The following SLC44A4 variants were observed in gnomAD, a reference collection of about 807,000 sequenced individuals.
SLC44A4 encodes the protein choline transporter-like protein 4.
In SLC44A4, 74 loss-of-function variants were observed where a neutral mutation model predicts 97.0. That is an observed-to-expected ratio of 0.76 (90% CI 0.63 to 0.93). The LOEUF (loss-of-function observed/expected upper bound fraction) is 0.93, where lower values mean the gene tolerates loss of function less well. SLC44A4 is among the 40% of genes least tolerant of loss of function. The pLI is 0.00. For missense variants in SLC44A4, 799 were observed against 902.9 expected, an observed-to-expected ratio of 0.88 and a Z score of 1.48; for synonymous variants, 325 against 363.8, an observed-to-expected ratio of 0.89 and a Z score of 1.21.
chr6:31,876,808 G>A lies in SLC44A4; in HGVS notation c.89+226C>T, dbSNP rs889665613. Among the ~76,000 whole-genome samples the A allele has an allele frequency of 3.3e-5, 5 of 151,988 alleles. No homozygotes were observed. Among genetic ancestry groups the A allele is most frequent in the African/African-American group, 1.2e-4 (5 of 41,312 alleles). On this transcript the variant is annotated intron_variant, in intron 2 of 20. Transcript: ENST00000229729. This position sits in a 1 kb window ranked among gnomAD's most constrained non-coding sequence, Gnocchi z 4.8. ...CTCAGCTGGGTGAGTTCTCTCGCTT[G>A]TGAAGCCGGCACTTAAGTCAAGAAA...
At position 31,874,774 on chromosome 6, in the gene SLC44A4, C is replaced by T. The variant is rs773627655; in HGVS notation, c.415G>A (p.Val139Ile). 1.2e-6 allele frequency: 2 copies of T among 1,614,050 alleles called. No homozygotes were observed. Among genetic ancestry groups the T allele is most frequent in the South Asian group, 1.1e-5 (1 of 91,076 alleles). Residue 139 changes from valine to isoleucine, a missense_variant, in exon 6 of 21, where the codon GTC becomes ATC. Transcript: ENST00000229729. The surrounding 1 kb of genome is among the most constrained non-coding windows in gnomAD (Gnocchi z 4.8). ...AAGTTCCTGTTTTTTGTATAGAAGA[C>T]TTCCCCAACAGTCTGTGAGAACTCG... Reference protein sequence around the residue: ...KNEFSQTVGEVFYTKNRNFCL... With the variant: ...KNEFSQTVGEIFYTKNRNFCL...
rs762227141 is a variant in SLC44A4 at position 31,865,836 on chromosome 6, C to T, written c.1487+37G>A. 5 of 1,613,770 alleles carry T rather than the reference C, an allele frequency of 3.1e-6. No individual in the cohort carries two copies. The highest frequency in any genetic ancestry group is 2.7e-5 in the African/African-American group (2 of 74,932). ...ACAGCTCCAGGACCCCTGGGGCCCC[C>T]GTGCCTACAATGACCAGGCCCCTGC... On this transcript the variant is annotated intron_variant, in intron 14 of 20. Transcript: ENST00000229729. The surrounding 1 kb of genome is among the most constrained non-coding windows in gnomAD (Gnocchi z 5.2).
chr6:31,863,823 G>C (rs1233870524), intron 20 of SLC44A4, 75 bp from the exon 21 acceptor site: 51 of 1,588,652 alleles, frequency 3.2e-5, no homozygotes, highest in South Asian at 1.1e-5. Context: ...AGCTGCCTGC[G>C]GGATTTGGAA....
At chr6:31,870,248 G>A (rs1302517285) in intron 11 of SLC44A4, among the ~76,000 whole-genome samples, 2 of 152,116 alleles carry the variant, frequency 1.3e-5, no homozygotes, top group Non-Finnish European at 2.9e-5. Flanking sequence ...ACCCCCAAGC[G>A]TGATCCCTTG....
At chr6:31,875,135 G>T in intron 4 of SLC44A4, 107 bp from the exon 5 acceptor site, 1 of 832,778 alleles carries the variant, frequency 1.2e-6, no homozygotes, top group Non-Finnish European at 1.9e-6. Flanking sequence ...AGCCCAGCGT[G>T]GCCCATACCA....
At position 31,865,128 on chromosome 6, in the gene SLC44A4, T is replaced by C. The variant is rs183577829; in HGVS notation, c.1761-48A>G. On this transcript the variant is annotated intron_variant, in intron 17 of 20. Coordinates refer to ENST00000229729, the MANE Select transcript of SLC44A4 (RefSeq NM_025257.3). The surrounding 1 kb of genome is among the most constrained non-coding windows in gnomAD (Gnocchi z 5.2). ...TTGAGGGTGAGAGGCCTGGCAATGC[T>C]GAGAGTGAAATTGGCTTCGTAATTT... 2.5e-3 allele frequency: 4,006 copies of C among 1,603,372 alleles called. 13 individuals are homozygous for C. The highest frequency in any genetic ancestry group is 2.8e-3 in the Non-Finnish European group (3,255 of 1,170,998).
chr6:31,870,588 C>T lies in SLC44A4; in HGVS notation c.1037+15G>A. ...GCTGTCCTCAACCCCATCTCCCTCCCAGGCAGGCCCTAACTTGCTGGCCTC... is the reference window on the plus strand; with the variant it reads ...GCTGTCCTCAACCCCATCTCCCTCCTAGGCAGGCCCTAACTTGCTGGCCTC... On this transcript the variant is annotated intron_variant, in intron 11 of 20. Coordinates refer to ENST00000229729, the MANE Select transcript of SLC44A4 (RefSeq NM_025257.3). The T allele has an allele frequency of 1.3e-6, 2 of 1,577,272 alleles. No individual in the cohort carries two copies. Among genetic ancestry groups the T allele is most frequent in the Non-Finnish European group, 1.7e-6 (2 of 1,162,042 alleles).
rs200696392 is a variant in SLC44A4 at position 31,863,990 on chromosome 6, AAT to A, written c.2012-244_2012-243del. ...CTTAGGAGGAGACTGGCAAACCCTG[AAT>A]GGATGCATGCTGTAGAGTAAGAAAA... is the stretch of plus-strand genomic sequence containing the variant. On this transcript the variant is annotated intron_variant, in intron 20 of 20. Coordinates refer to ENST00000229729, the MANE Select transcript of SLC44A4 (RefSeq NM_025257.3). Among the ~76,000 whole-genome samples the A allele has an allele frequency of 8.6e-3, 1,308 of 152,164 alleles. 8 individuals are homozygous for A. Among genetic ancestry groups the A allele is most frequent in the Middle Eastern group, 0.075 (22 of 292 alleles).
Position 31,865,780 on chromosome 6 carries a change from G to T in SLC44A4, c.1492C>A (p.His498Asn). ...GCTCCAAATGCCAATGACCCAGTGT[G>T]GTAACTGCAGAGGGTGTTATGCAGT... ...ISAFIRTLRY[H>N]TGSLAFGALI... The change falls in exon 15 of 21, where the codon CAC becomes AAC. Residue 498 changes from histidine (H) to asparagine (N), a missense_variant. Coordinates refer to ENST00000229729, the MANE Select transcript of SLC44A4 (RefSeq NM_025257.3). This position sits in a 1 kb window ranked among gnomAD's most constrained non-coding sequence, Gnocchi z 5.2. 1.2e-6 allele frequency: 2 copies of T among 1,613,848 alleles called. No homozygotes were observed. Among genetic ancestry groups the T allele is most frequent in the Non-Finnish European group, 1.7e-6 (2 of 1,179,940 alleles).
In SLC44A4 at chr6:31,865,385, C is replaced by T. The variant is rs373514417; in HGVS notation, c.1690G>A (p.Ala564Thr). The T allele has an allele frequency of 2.5e-5, 41 of 1,613,890 alleles. No individual in the cohort carries two copies. The African/African-American group carries it at 4.0e-4, about 16-fold the overall frequency. Reference protein sequence around the residue: ...FLNRNAYIMIAIYGKNFCVSA... With the variant: ...FLNRNAYIMITIYGKNFCVSA... ...ACACAGAAATTCTTCCCGTAGATGGCGATCTGAGGGAGGTGGAAAGGTCAG... is the reference window on the plus strand; with the variant it reads ...ACACAGAAATTCTTCCCGTAGATGGTGATCTGAGGGAGGTGGAAAGGTCAG... The change falls in exon 17 of 21, where the codon GCC becomes ACC. Residue 564 changes from alanine (A) to threonine (T), a missense_variant. By Grantham distance (58) the Ala-to-Thr change is moderately conservative (BLOSUM62 0). Transcript: ENST00000229729. This position sits in a 1 kb window ranked among gnomAD's most constrained non-coding sequence, Gnocchi z 5.2.
intron 11 of SLC44A4, among the ~76,000 whole-genome samples, chr6:31,870,312 C>T (rs540189342): frequency 3.3e-5 from 5 of 152,214 alleles, no homozygotes; most frequent in South Asian, 2.1e-4. Context: ...CCTCCTGGCC[C>T]GGATTCCTGC....
chr6:31,869,050 T>A (rs521977), intron 13 of SLC44A4, 105 bp downstream of exon 13: 134 of 899,770 alleles, frequency 1.5e-4, no homozygotes, highest in African/African-American at 4.0e-4. Context: ...TTGCACAAGT[T>A]TCTTGCCCTC....
At position 31,869,653 on chromosome 6, in the gene SLC44A4, G is replaced by C. The variant is rs761162763; in HGVS notation, c.1038-16C>G. ...TCCCACAGCCCTGCAGGGAGACAAA[G>C]CTGTTAACCGGCACCGCCCCAGCTG... On this transcript the variant is annotated splice_polypyrimidine_tract_variant and intron_variant, in intron 11 of 20. Transcript: ENST00000229729. 3.8e-6 allele frequency: 6 copies of C among 1,581,796 alleles called. No individual in the cohort carries two copies. The highest frequency in any genetic ancestry group is 5.2e-6 in the Non-Finnish European group (6 of 1,162,274).
chr6:31,875,871 A>G lies in SLC44A4; in HGVS notation c.223T>C (p.Cys75Arg). Reference sequence around the variant, plus strand: ...ACTCACTTGTTCTCCCCCATGCCACAGTAGGCCCCAGTAGAGTTCCTGGGG... The same window carrying G: ...ACTCACTTGTTCTCCCCCATGCCACGGTAGGCCCCAGTAGAGTTCCTGGGG... ...LYPRNSTGAYCGMGENKDKPY... is the reference protein window; with the variant it reads ...LYPRNSTGAYRGMGENKDKPY... Residue 75 changes from cysteine to arginine, a missense_variant, in exon 4 of 21, where the codon TGT (cysteine) becomes CGT (arginine). Physicochemically the swap from Cys to Arg is radical, Grantham distance 180 (BLOSUM62 -3). Coordinates refer to ENST00000229729, the MANE Select transcript of SLC44A4 (RefSeq NM_025257.3). 2 of 1,612,034 alleles carry G rather than the reference A, an allele frequency of 1.2e-6. No homozygotes were observed. The highest frequency in any genetic ancestry group is 1.7e-6 in the Non-Finnish European group (2 of 1,178,920).
At position 31,874,681 on chromosome 6, in the gene SLC44A4, C is replaced by T. The variant is rs1205447521; in HGVS notation, c.468+40G>A. 6.3e-7 allele frequency: 1 copy of T among 1,577,746 alleles called. No homozygotes were observed. The highest frequency in any genetic ancestry group is 1.4e-5 in the African/African-American group (1 of 73,950). ...CCCTCCCTCTCGTGCCCACCCTGGC[C>T]CTTCTGGGCGACAGTGATGAGGTTA... On this transcript the variant is annotated intron_variant, in intron 6 of 20. Transcript: ENST00000229729. The surrounding 1 kb of genome is among the most constrained non-coding windows in gnomAD (Gnocchi z 4.8).
At position 31,866,941 on chromosome 6, in the gene SLC44A4, G is replaced by C. The variant is rs115311870; in HGVS notation, c.1234-815C>G. 6.6e-3 allele frequency among the ~76,000 whole-genome samples: 1,008 copies of C among 151,714 alleles called. 8 individuals carry two copies. Among genetic ancestry groups the C allele is most frequent in the African/African-American group, 0.023 (949 of 41,386 alleles). On this transcript the variant is annotated intron_variant, in intron 13 of 20. Transcript: ENST00000229729. ...TGAGGATATAGATGAAATAAGAATAGCAAAAAGTTGAGGGTTGTGGAATCT... is the reference window on the plus strand; with the variant it reads ...TGAGGATATAGATGAAATAAGAATACCAAAAAGTTGAGGGTTGTGGAATCT...
intron 4 of SLC44A4, 118 bp from the exon 5 acceptor site, chr6:31,875,146 G>A: frequency 1.4e-6 from 1 of 730,624 alleles, no homozygotes; most frequent in Non-Finnish European, 2.3e-6. Flanking sequence ...GCCCATACCA[G>A]TCACCTCCCA....
At position 31,874,412 on chromosome 6, in the gene SLC44A4, A is replaced by G; in HGVS notation, c.529+48T>C. ...GCCTGATTTCTTCATTCAAGCAATG[A>G]AAACACTGGACTAGATGACGTCTGA... On this transcript the variant is annotated intron_variant, in intron 7 of 20. Transcript: ENST00000229729. The surrounding 1 kb of genome is among the most constrained non-coding windows in gnomAD (Gnocchi z 4.8). 6.3e-7 allele frequency: 1 copy of G among 1,599,026 alleles called. No individual in the cohort carries two copies. Among genetic ancestry groups the G allele is most frequent in the Non-Finnish European group, 8.6e-7 (1 of 1,167,548 alleles).
chr6:31,876,993 C>T lies in SLC44A4; in HGVS notation c.89+41G>A, dbSNP rs1423005266. 5.7e-6 allele frequency: 9 copies of T among 1,582,414 alleles called. No homozygotes were observed. Among genetic ancestry groups the T allele is most frequent in the South Asian group, 1.1e-5 (1 of 87,144 alleles). On this transcript the variant is annotated intron_variant, in intron 2 of 20. Transcript: ENST00000229729. The surrounding 1 kb of genome is among the most constrained non-coding windows in gnomAD (Gnocchi z 4.8). Reference sequence around the variant, plus strand: ...CAAATACTGGATTCCACACTGCACCCACCACCCCCGCCAGCCCCCGGAGCA... The same window carrying T: ...CAAATACTGGATTCCACACTGCACCTACCACCCCCGCCAGCCCCCGGAGCA...
Sources: allele counts gnomAD v4.1 joint callset (sites outside exome capture counted in the v4.1 genomes callset), GRCh38; gene constraint gnomAD v4.1.1; non-coding constraint Gnocchi (gnomAD v3.1); transcripts MANE v1.5; gene names NCBI Gene and HGNC (gene_info 2026-07-23, HGNC 2026-07-21).